NRG3: variants seen among roughly 807,000 people sequenced by gnomAD.
The protein encoded by NRG3 is pro-neuregulin-3, membrane-bound isoform.
A neutral mutation model predicts 66.9 loss-of-function variants in NRG3; 31 were observed. The observed-to-expected ratio is 0.46, with a 90% confidence interval of 0.35 to 0.63. The LOEUF (loss-of-function observed/expected upper bound fraction) is 0.63, where lower values mean the gene tolerates loss of function less well. Ranked by LOEUF, NRG3 falls within the 20% of genes least tolerant of loss-of-function variation. The pLI is 0.00. For synonymous variants in NRG3, 393 were observed against 359.4 expected (o/e 1.09, Z -1.06); for missense variants, 910 against 878.9 (o/e 1.04, Z -0.45).
chr10:82,511,581 T>G (rs1310619004), intron 2 of NRG3, among the ~76,000 whole-genome samples: 1 of 151,784 alleles, frequency 6.6e-6, no homozygotes, highest in Non-Finnish European at 1.5e-5. Context: ...TGGGGAAGAG[T>G]GGCACCAGAT....
At chr10:82,530,606 T>C (rs1472171319) in intron 2 of NRG3, among the ~76,000 whole-genome samples, 1 of 151,940 alleles carries the variant, frequency 6.6e-6, no homozygotes, top group Non-Finnish European at 1.5e-5. Flanking sequence ...GAAATTTTAA[T>C]AAAATTATGC....
chr10:82,958,131 G>A (rs1850251217), intron 5 of NRG3, among the ~76,000 whole-genome samples: 2 of 152,196 alleles, frequency 1.3e-5, no homozygotes, highest in Non-Finnish European at 2.9e-5. Flanking sequence ...TCACTCAGAA[G>A]CGGTGGGACC....
In NRG3 at chr10:82,123,951, G is replaced by T. The variant is rs138923905; in HGVS notation, c.824-234788G>T. Among the ~76,000 whole-genome samples the T allele has an allele frequency of 2.7e-3, 405 of 151,966 alleles. 3 individuals are homozygous for T. Among genetic ancestry groups the T allele is most frequent in the African/African-American group, 9.2e-3 (381 of 41,508 alleles). ...CATTTGACATCTGATACTCAGGACTGCCCCGCTATTCTCACCCCCTTCAAT... is the reference window on the plus strand; with the variant it reads ...CATTTGACATCTGATACTCAGGACTTCCCCGCTATTCTCACCCCCTTCAAT... On this transcript the variant is annotated intron_variant, in intron 1 of 8. Coordinates refer to ENST00000372141, the MANE Select transcript of NRG3 (RefSeq NM_001010848.4).
chr10:82,192,222 A>G (rs1250757588), intron 1 of NRG3, among the ~76,000 whole-genome samples: 2 of 152,194 alleles, frequency 1.3e-5, no homozygotes, highest in African/African-American at 4.8e-5. Flanking sequence ...AACAATTGCA[A>G]TTATCACCAT....
intron 3 of NRG3, among the ~76,000 whole-genome samples, chr10:82,764,675 C>T: frequency 6.6e-6 from 1 of 152,008 alleles, no homozygotes; most frequent in Non-Finnish European, 1.5e-5. Flanking sequence ...CACACCCAGC[C>T]AGCAAATAAA....
chr10:82,099,813 A>G (rs2066611358), intron 1 of NRG3, among the ~76,000 whole-genome samples: 1 of 151,552 alleles, frequency 6.6e-6, no homozygotes, highest in Admixed American at 6.6e-5. Flanking sequence ...ATGTAAAACA[A>G]AAACAAAAAC....
chr10:82,238,494 T>C (rs1476452816), intron 1 of NRG3, among the ~76,000 whole-genome samples: 1 of 152,190 alleles, frequency 6.6e-6, no homozygotes, highest in Non-Finnish European at 1.5e-5. Flanking sequence ...AAGGATTTGA[T>C]TGCAAGTTTC....
chr10:82,711,008 T>C (rs1209329119), intron 2 of NRG3, among the ~76,000 whole-genome samples: 1 of 152,190 alleles, frequency 6.6e-6, no homozygotes, highest in Non-Finnish European at 1.5e-5. Flanking sequence ...TTGGCCTCAA[T>C]TGATCCTCTT....
intron 2 of NRG3, among the ~76,000 whole-genome samples, chr10:82,502,165 T>C: frequency 6.6e-6 from 1 of 150,500 alleles, no homozygotes; most frequent in East Asian, 1.9e-4. Flanking sequence ...AAAATTAGGG[T>C]TTTTTTTGTT....
At chr10:82,761,108 A>G (rs923364958) in intron 3 of NRG3, among the ~76,000 whole-genome samples, 1 of 151,952 alleles carries the variant, frequency 6.6e-6, no homozygotes, top group Non-Finnish European at 1.5e-5. Context: ...AAAAAACTCT[A>G]AAACTTTGAG....
intron 3 of NRG3, chr10:82,827,120 T>A (rs1407360800): frequency 8.9e-6 from 3 of 335,594 alleles, no homozygotes; most frequent in Non-Finnish European, 1.7e-5. Context: ...ATATTGAGAA[T>A]TTTAACAGTG....
At chr10:82,669,783 C>G in intron 2 of NRG3, among the ~76,000 whole-genome samples, 1 of 151,964 alleles carries the variant, frequency 6.6e-6, no homozygotes, top group Non-Finnish European at 1.5e-5. Flanking sequence ...AAAAAATAAG[C>G]CGGGCGTGGT....
At chr10:82,897,240 CT>C (rs984746426) in intron 4 of NRG3, among the ~76,000 whole-genome samples, 1 of 152,038 alleles carries the variant, frequency 6.6e-6, no homozygotes, top group Non-Finnish European at 1.5e-5. Context: ...GATTAAACAC[CT>C]TTTGAGAAAA....
At chr10:82,057,992 G>A (rs1294676959) in intron 1 of NRG3, among the ~76,000 whole-genome samples, 1 of 132,462 alleles carries the variant, frequency 7.5e-6, no homozygotes, top group Non-Finnish European at 1.6e-5. Context: ...TTTTTTCTTT[G>A]TAAAGCCTTC....
At chr10:81,921,219 C>T (rs963760962) in intron 1 of NRG3, among the ~76,000 whole-genome samples, 3 of 151,940 alleles carry the variant, frequency 2.0e-5, no homozygotes, top group African/African-American at 4.8e-5. Context: ...GGGATTCCAT[C>T]ATATTGTCAT....
intron 1 of NRG3, among the ~76,000 whole-genome samples, chr10:82,250,450 G>T (rs890732334): frequency 2.6e-5 from 4 of 152,006 alleles, no homozygotes; most frequent in African/African-American, 7.3e-5. Context: ...TCTGGGCATG[G>T]TGGCAGGCAC....
chr10:82,307,457 C>T (rs528733440), intron 1 of NRG3, among the ~76,000 whole-genome samples: 33 of 152,014 alleles, frequency 2.2e-4, no homozygotes, highest in Admixed American at 5.9e-4. Flanking sequence ...TAGGTTGTTA[C>T]ATTATGTGGA....
chr10:82,431,119 A>C (rs1285631180), intron 2 of NRG3, among the ~76,000 whole-genome samples: 1 of 152,122 alleles, frequency 6.6e-6, no homozygotes, highest in East Asian at 1.9e-4. Context: ...AAAGCTATGA[A>C]AAACAATTGC....
At position 82,132,504 on chromosome 10, in the gene NRG3, TC is replaced by T. The variant is rs377158413; in HGVS notation, c.824-226234del. Among the ~76,000 whole-genome samples the T allele has an allele frequency of 6.1e-4, 17 of 27,758 alleles. 2 individuals are homozygous for T. Among genetic ancestry groups the T allele is most frequent in the African/African-American group, 1.2e-3 (5 of 4,110 alleles). The allele number at this position is 27,758 out of a possible 152,430, so 18.2% of individuals were successfully genotyped here. A position where few individuals can be genotyped will look rare whatever the true frequency, so the allele number is the denominator to read the frequency against. ...GATATATATATATGATATATATATATCATATATATATGATATATATGATATA... is the reference window on the plus strand; with the variant it reads ...GATATATATATATGATATATATATATATATATATATGATATATATGATATA... On this transcript the variant is annotated intron_variant, in intron 1 of 8. Transcript: ENST00000372141.
Sources: allele counts gnomAD v4.1 joint callset (sites outside exome capture counted in the v4.1 genomes callset), GRCh38; gene constraint gnomAD v4.1.1; transcripts MANE v1.5; gene names NCBI Gene and HGNC (gene_info 2026-07-23, HGNC 2026-07-21).